VEGFA: variants seen among roughly 807,000 people sequenced by gnomAD.
The protein encoded by VEGFA is vascular endothelial growth factor A, also known as vascular endothelial growth factor A, long form.
In VEGFA, 20 loss-of-function variants were observed where a neutral mutation model predicts 49.7. The ratio of observed to expected loss-of-function variants is 0.40; its 90% CI spans 0.28 to 0.58. VEGFA has a LOEUF of 0.58. Ranked by LOEUF, VEGFA falls within the 20% of genes least tolerant of loss-of-function variation. VEGFA has a pLI of 0.40. For missense variants in VEGFA, 505 were observed against 553.5 expected (o/e 0.91, Z 0.88); for synonymous variants, 219 against 223.4 (o/e 0.98, Z 0.18).
chr6:43,782,049 C>T lies in VEGFA; in HGVS notation c.1128C>T (p.Cys376=), dbSNP rs761273292. The change falls in exon 7 of 8, where the codon TGC becomes TGT. Residue 376 remains cysteine (C), a synonymous_variant. Coordinates refer to ENST00000672860, the MANE Select transcript of VEGFA (RefSeq NM_003376.6). ...CCTGCAAAAACACAGACTCGCGTTG[C>T]AAGGCGAGGCAGCTTGAGTTAAACG... The T allele has an allele frequency of 1.2e-6, 2 of 1,613,974 alleles. No individual in the cohort carries two copies. Among genetic ancestry groups the T allele is most frequent in the Non-Finnish European group, 1.7e-6 (2 of 1,180,032 alleles).
At position 43,778,463 on chromosome 6, in the gene VEGFA, A is replaced by G; in HGVS notation, c.859A>G (p.Met287Val). ...GATCTGCTTCCTTCCTTTCCAGATT[A>G]TGCGGATCAAACCTCACCAAGGCCA... Residue 287 changes from methionine to valine, a missense_variant, in exon 4 of 8, where the codon ATG becomes GTG. Met to Val is a conservative substitution (Grantham distance 21). Around this residue, in one of 2 missense-constraint regions of VEGFA, gnomAD observed 165 missense variants for 231.7 expected, o/e 0.71. Transcript: ENST00000672860. 4 of 1,614,114 alleles carry G rather than the reference A, an allele frequency of 2.5e-6. No individual in the cohort carries two copies. The highest frequency in any genetic ancestry group is 3.4e-6 in the Non-Finnish European group (4 of 1,179,974).
chr6:43,784,527 T>C lies in VEGFA; in HGVS notation c.1167-14T>C. On this transcript the variant is annotated splice_polypyrimidine_tract_variant and intron_variant, in intron 7 of 7. Transcript: ENST00000672860. ...TTGGCCCTAACCCCAGCCTTTGTTTTCCATTTCCCTCAGATGTGACAAGCC... is the reference window on the plus strand; with the variant it reads ...TTGGCCCTAACCCCAGCCTTTGTTTCCCATTTCCCTCAGATGTGACAAGCC... 1 of 1,614,126 alleles carries C rather than the reference T, an allele frequency of 6.2e-7. No homozygotes were observed. The highest frequency in any genetic ancestry group is 8.5e-7 in the Non-Finnish European group (1 of 1,179,996).
intron 5 of VEGFA, chr6:43,779,893 C>G (rs1414147686): frequency 3.0e-6 from 1 of 331,252 alleles, no homozygotes; most frequent in Non-Finnish European, 6.2e-6. Context: ...TACAGCCTGC[C>G]CCCCTTCCTG....
Position 43,777,736 on chromosome 6 carries a change from C to CAA in VEGFA, c.855+72_855+73insAA. 6.8e-7 allele frequency: 1 copy of CAA among 1,477,072 alleles called. No homozygotes were observed. Among genetic ancestry groups the CAA allele is most frequent in the Non-Finnish European group, 9.1e-7 (1 of 1,094,932 alleles). 91.5% of individuals were successfully genotyped at this position (1,477,072 alleles called of 1,614,324 possible). ...GTAACACTTTGGGAACAGGTGGTCCCAGGTCGTTTCCTGGCTAGATTTGCC... is the reference window on the plus strand; with the variant it reads ...GTAACACTTTGGGAACAGGTGGTCCCAAAGGTCGTTTCCTGGCTAGATTTGCC... On this transcript the variant is annotated intron_variant, in intron 3 of 7. Coordinates refer to ENST00000672860, the MANE Select transcript of VEGFA (RefSeq NM_003376.6). This position sits in a 1 kb window ranked among gnomAD's most constrained non-coding sequence, Gnocchi z 4.3.
rs954377157 is a variant in VEGFA, at chr6:43,773,738, G to A, written c.607-603G>A. On this transcript the variant is annotated intron_variant, in intron 1 of 7. Transcript: ENST00000672860. The surrounding 1 kb of genome is among the most constrained non-coding windows in gnomAD (Gnocchi z 5.6). Reference sequence around the variant, plus strand: ...GGTTCTCCCCCAGGGTCTCCTCCTGGGTTTTTACCCTCTAAGCAACCTGTG... The same window carrying A: ...GGTTCTCCCCCAGGGTCTCCTCCTGAGTTTTTACCCTCTAAGCAACCTGTG... The A allele has an allele frequency of 1.2e-5, 2 of 160,630 alleles. No individual in the cohort carries two copies. Among genetic ancestry groups the A allele is most frequent in the South Asian group, 3.3e-4 (2 of 6,118 alleles). 10.0% of individuals were successfully genotyped at this position (160,630 alleles called of 1,614,324 possible).
Position 43,785,500 on chromosome 6 carries a change from A to G in VEGFA, c.*938A>G. On this transcript the variant is annotated 3_prime_UTR_variant, in exon 8 of 8. Coordinates refer to ENST00000672860, the MANE Select transcript of VEGFA (RefSeq NM_003376.6). Reference sequence around the variant, plus strand: ...ACCACTGGCAGATGTCCCGGCGAAGAGAAGAGACACATTGTTGGAAGAAGC... The same window carrying G: ...ACCACTGGCAGATGTCCCGGCGAAGGGAAGAGACACATTGTTGGAAGAAGC... 4.6e-6 allele frequency: 1 copy of G among 218,968 alleles called. No homozygotes were observed. Among genetic ancestry groups the G allele is most frequent in the Non-Finnish European group, 9.2e-6 (1 of 108,800 alleles). 13.6% of individuals were successfully genotyped at this position (218,968 alleles called of 1,614,324 possible). A position where few individuals can be genotyped will look rare whatever the true frequency, so the allele number is the denominator to read the frequency against.
intron 5 of VEGFA, 40 bp downstream of exon 5, chr6:43,778,958 C>T (rs1260639916): frequency 1.9e-6 from 3 of 1,613,908 alleles, no homozygotes; most frequent in Non-Finnish European, 8.5e-7. Context: ...CTCTCCATGG[C>T]CGGTTGTCTT....
Position 43,781,816 on chromosome 6 carries a change from G to C in VEGFA, c.1035-140G>C, listed in dbSNP as rs3025025. ...CTCTCTGTCTTTTGCTGTAGCGCTC[G>C]GATCCTTCCAGGGCCTGGGGGCTGA... On this transcript the variant is annotated intron_variant, in intron 6 of 7. Coordinates refer to ENST00000672860, the MANE Select transcript of VEGFA (RefSeq NM_003376.6). The C allele has an allele frequency of 6.6e-3, 7,529 of 1,141,480 alleles. 38 individuals carry two copies. Among genetic ancestry groups the C allele is most frequent in the Non-Finnish European group, 8.2e-3 (6,489 of 789,096 alleles). The allele number at this position is 1,141,480 out of a possible 1,614,324, so 70.7% of individuals were successfully genotyped here.
rs1763353032 is a variant in VEGFA, at chr6:43,771,009, G to C, written c.303G>C (p.Lys101Asn). The stretch of plus-strand genomic sequence containing the variant: ...AGGAGGGGGAGGAGGAAGAAGAGAA[G>C]GAAGAGGAGAGGGGGCCGCAGTGGC... The change falls in exon 1 of 8, where the codon AAG (lysine) becomes AAC (asparagine). Residue 101 changes from lysine (K) to asparagine (N), a missense_variant. Coordinates refer to ENST00000672860, the MANE Select transcript of VEGFA (RefSeq NM_003376.6). 1 of 1,540,120 alleles carries C rather than the reference G, an allele frequency of 6.5e-7. No homozygotes were observed. Among genetic ancestry groups the C allele is most frequent in the Non-Finnish European group, 8.7e-7 (1 of 1,143,546 alleles).
At position 43,777,508 on chromosome 6, in the gene VEGFA, A is replaced by T; in HGVS notation, c.698A>T (p.His233Leu). 1 of 1,614,194 alleles carries T rather than the reference A, an allele frequency of 6.2e-7. No homozygotes were observed. The highest frequency in any genetic ancestry group is 8.5e-7 in the Non-Finnish European group (1 of 1,180,034). The change falls in exon 3 of 8, where the codon CAT becomes CTT. Residue 233 changes from histidine to leucine, a missense_variant. By Grantham distance (99) the His-to-Leu change is moderately conservative (BLOSUM62 -3). Transcript: ENST00000672860. This position sits in a 1 kb window ranked among gnomAD's most constrained non-coding sequence, Gnocchi z 4.3. ...GATGTCTATCAGCGCAGCTACTGCC[A>T]TCCAATCGAGACCCTGGTGGACATC... is the stretch of plus-strand genomic sequence containing the variant.
chr6:43,777,353 A>T lies in VEGFA; in HGVS notation c.659-116A>T. 1 of 1,182,214 alleles carries T rather than the reference A, an allele frequency of 8.5e-7. No homozygotes were observed. The highest frequency in any genetic ancestry group is 1.2e-6 in the Non-Finnish European group (1 of 812,690). The allele number at this position is 1,182,214 out of a possible 1,614,324, so 73.2% of individuals were successfully genotyped here. The stretch of plus-strand genomic sequence containing the variant: ...AGGAGGGACTTACGTTAGATTTTGG[A>T]AGGACTTGCCTGATTCGGAAGCTCC... On this transcript the variant is annotated intron_variant, in intron 2 of 7. Transcript: ENST00000672860. The surrounding 1 kb of genome is among the most constrained non-coding windows in gnomAD (Gnocchi z 4.3).
intron 6 of VEGFA, chr6:43,781,162 C>T (rs771959933): frequency 1.4e-5 from 7 of 492,166 alleles, no homozygotes; most frequent in Admixed American, 6.6e-5. Context: ...TTGCTCTAGG[C>T]TTCTGCACTC....
chr6:43,778,545 G>A lies in VEGFA; in HGVS notation c.932+9G>A, dbSNP rs1397502270. ...AACAAATGTGAATGCAGGTGAGGAT[G>A]TAGTCACGGATTCATTATCAGCAAG... On this transcript the variant is annotated intron_variant, in intron 4 of 7. Transcript: ENST00000672860. 3 of 1,613,238 alleles carry A rather than the reference G, an allele frequency of 1.9e-6. No homozygotes were observed. The highest frequency in any genetic ancestry group is 8.5e-7 in the Non-Finnish European group (1 of 1,179,146).
intron 5 of VEGFA, chr6:43,780,466 C>T (rs1005010526): frequency 9.7e-6 from 5 of 516,774 alleles, no homozygotes; most frequent in Admixed American, 6.1e-5. Context: ...CGGCTTCCCA[C>T]CAAAGCCTTG....
chr6:43,779,737 C>T (rs755574143), intron 5 of VEGFA: 3 of 463,138 alleles, frequency 6.5e-6, no homozygotes, highest in East Asian at 6.7e-5. Context: ...TTCCTTCCAC[C>T]CTTTGGTGCT....
At chr6:43,771,902 C>G (rs1172111631) in intron 1 of VEGFA, 1 of 536,630 alleles carries the variant, frequency 1.9e-6, no homozygotes, top group Non-Finnish European at 2.4e-6. Flanking sequence ...CCGCGCCAAC[C>G]CCGCCCGTCC....
Position 43,777,398 on chromosome 6 carries a change from C to T in VEGFA, c.659-71C>T, listed in dbSNP as rs3025045. ...AGCTCCAAAGAGTGGCATTACAGAG[C>T]TGGGTGGAGAGAGGGGCTAGCCATC... On this transcript the variant is annotated intron_variant, in intron 2 of 7. Transcript: ENST00000672860. This position sits in a 1 kb window ranked among gnomAD's most constrained non-coding sequence, Gnocchi z 4.3. The T allele has an allele frequency of 3.4e-4, 535 of 1,560,362 alleles. No homozygotes were observed. Among genetic ancestry groups the T allele is most frequent in the Admixed American group, 7.2e-4 (43 of 59,462 alleles).
chr6:43,772,212 C>A, intron 1 of VEGFA: 1 of 319,638 alleles, frequency 3.1e-6, no homozygotes. Flanking sequence ...TCTCTTCACC[C>A]ATTTCCTTTT....
At chr6:43,778,837 C>T (rs761661338) in intron 4 of VEGFA, 52 bp from the exon 5 acceptor site, 8 of 1,597,898 alleles carry the variant, frequency 5.0e-6, no homozygotes, top group African/African-American at 1.3e-5. Context: ...ATTATCATCA[C>T]CATCTTAACC....
Sources: gnomAD v4.1 joint callset for allele counts on GRCh38, gnomAD v4.1.1 for gene constraint, gnomAD v4.1.1 regional missense constraint, Gnocchi (gnomAD v3.1) non-coding constraint, MANE v1.5 for transcripts, NCBI Gene and HGNC (gene_info 2026-07-23, HGNC 2026-07-21) for gene names.